Variants in SERGEF observed in about 807,000 individuals in gnomAD.
SERGEF encodes the protein secretion-regulating guanine nucleotide exchange factor.
In SERGEF, 51 loss-of-function variants were observed where a neutral mutation model predicts 50.0. The ratio of observed to expected loss-of-function variants is 1.02; its 90% CI spans 0.81 to 1.29. SERGEF has a LOEUF of 1.29. SERGEF is among the 50% of genes most tolerant of loss of function. SERGEF has a pLI of 0.00. For synonymous variants in SERGEF, 205 were observed against 212.4 expected (o/e 0.97, Z 0.30); for missense variants, 521 against 557.0 (o/e 0.94, Z 0.65).
At chr11:18,005,107 G>C (rs1014991558) in intron 3 of SERGEF, among the ~76,000 whole-genome samples, 44 of 152,164 alleles carry the variant, frequency 2.9e-4, no homozygotes, top group African/African-American at 9.7e-4. Flanking sequence ...CTCCAATTTA[G>C]CCTTTACCAG....
intron 9 of SERGEF, among the ~76,000 whole-genome samples, chr11:17,921,611 T>C (rs1349591465): frequency 6.6e-6 from 1 of 152,174 alleles, no homozygotes; most frequent in Non-Finnish European, 1.5e-5. Context: ...CAAAAGGGAA[T>C]GAGTGCTAAG....
At chr11:17,908,553 C>T (rs1243355822) in intron 9 of SERGEF, among the ~76,000 whole-genome samples, 2 of 152,174 alleles carry the variant, frequency 1.3e-5, no homozygotes, top group African/African-American at 2.4e-5. Context: ...CCATCACAAC[C>T]ATTTCCATAT....
At chr11:17,846,650 A>AT (rs3831592) in intron 10 of SERGEF, 92,409 of 454,672 alleles carry the variant, frequency 0.2, 10,120 homozygotes, top group East Asian at 0.34. Flanking sequence ...AGGATTCAAA[A>AT]ATGGCTCCAT....
intron 4 of SERGEF, 34 bp downstream of exon 4, chr11:18,004,407 G>A: frequency 6.7e-7 from 1 of 1,491,464 alleles, no homozygotes; most frequent in Non-Finnish European, 9.3e-7. Flanking sequence ...CACTTTAACA[G>A]GTCATGGGCA....
At chr11:17,869,324 C>CA (rs1851092267) in intron 10 of SERGEF, among the ~76,000 whole-genome samples, 1 of 152,134 alleles carries the variant, frequency 6.6e-6, no homozygotes, top group African/African-American at 2.4e-5. Flanking sequence ...ATTTGCAATT[C>CA]AAATCACAGA....
At chr11:17,791,228 C>G (rs1849478927) in intron 10 of SERGEF, among the ~76,000 whole-genome samples, 1 of 152,188 alleles carries the variant, frequency 6.6e-6, no homozygotes, top group Non-Finnish European at 1.5e-5. Context: ...CTATGAACAT[C>G]TTTATGCATG....
chr11:17,988,571 C>T, intron 8 of SERGEF, 26 bp downstream of exon 8: 1 of 1,611,236 alleles, frequency 6.2e-7, no homozygotes, highest in Non-Finnish European at 8.5e-7. Context: ...CTCTTACCAA[C>T]CGTAAGTTCT....
At chr11:17,953,739 C>A (rs547627427) in intron 9 of SERGEF, among the ~76,000 whole-genome samples, 278 of 152,294 alleles carry the variant, frequency 1.8e-3, no homozygotes, top group African/African-American at 6.4e-3. Context: ...ACAGAGAAGG[C>A]CCTTGCTCTC....
At chr11:17,789,350 A>G (rs1849440285) in intron 10 of SERGEF, among the ~76,000 whole-genome samples, 1 of 152,332 alleles carries the variant, frequency 6.6e-6, no homozygotes, top group South Asian at 2.1e-4. Context: ...AAGCGTGTAT[A>G]CTTTCTTCAC....
intron 9 of SERGEF, among the ~76,000 whole-genome samples, chr11:17,958,637 A>G (rs1852925324): frequency 6.6e-6 from 1 of 152,182 alleles, no homozygotes; most frequent in South Asian, 2.1e-4. Flanking sequence ...GTTCCAGCCC[A>G]TCTTTCTGAT....
intron 7 of SERGEF, among the ~76,000 whole-genome samples, chr11:17,992,511 A>G (rs1034171369): frequency 6.6e-6 from 1 of 152,222 alleles, no homozygotes; most frequent in Non-Finnish European, 1.5e-5. Flanking sequence ...AATCGTAGGT[A>G]TATCAGAAAA....
intron 10 of SERGEF, among the ~76,000 whole-genome samples, chr11:17,813,711 A>G (rs936733938): frequency 3.3e-5 from 5 of 152,250 alleles, no homozygotes; most frequent in Non-Finnish European, 7.3e-5. Flanking sequence ...TCACTGTGGC[A>G]GAGCCCACAT....
At chr11:17,794,966 C>T (rs1280370046) in intron 10 of SERGEF, among the ~76,000 whole-genome samples, 2 of 152,206 alleles carry the variant, frequency 1.3e-5, no homozygotes, top group Non-Finnish European at 2.9e-5. Context: ...GGCTGAGGCC[C>T]TGCCCCCTTC....
At chr11:17,810,579 A>G (rs140024764) in intron 10 of SERGEF, among the ~76,000 whole-genome samples, 285 of 152,344 alleles carry the variant, frequency 1.9e-3, no homozygotes, top group African/African-American at 6.3e-3. Flanking sequence ...ACCCAAGTCC[A>G]TAGCATTCCC....
chr11:17,802,575 C>T (rs1849690871), intron 10 of SERGEF, among the ~76,000 whole-genome samples: 1 of 152,218 alleles, frequency 6.6e-6, no homozygotes, highest in Admixed American at 6.5e-5. Flanking sequence ...AGCTACCTCT[C>T]TGATACCCAC....
chr11:17,939,118 A>G (rs778607049), intron 9 of SERGEF, among the ~76,000 whole-genome samples: 1 of 152,230 alleles, frequency 6.6e-6, no homozygotes, highest in Admixed American at 6.5e-5. Context: ...TTTTCCTACC[A>G]TTCCACATTT....
chr11:17,905,822 G>A (rs1851829248), intron 9 of SERGEF, among the ~76,000 whole-genome samples: 1 of 152,006 alleles, frequency 6.6e-6, no homozygotes, highest in Admixed American at 6.6e-5. Context: ...TAAGGAGCTT[G>A]AAAAATAAAT....
Position 17,891,121 on chromosome 11 carries a change from AT to A in SERGEF, c.1012-12878del, listed in dbSNP as rs1372295986. 1.5e-4 allele frequency among the ~76,000 whole-genome samples: 23 copies of A among 152,180 alleles called. 1 individual carries two copies. The highest frequency in any genetic ancestry group is 1.5e-3 in the Admixed American group (23 of 15,284). ...AAGGTTTGCTTACTAAACACACAGAATTTATAATGCTGGGAGAGACAGCCAG... is the reference window on the plus strand; with the variant it reads ...AAGGTTTGCTTACTAAACACACAGAATTATAATGCTGGGAGAGACAGCCAG... On this transcript the variant is annotated intron_variant, in intron 9 of 10. Transcript: ENST00000265965.
intron 10 of SERGEF, among the ~76,000 whole-genome samples, chr11:17,873,724 C>T (rs1455614390): frequency 6.6e-6 from 1 of 151,690 alleles, no homozygotes; most frequent in Admixed American, 6.6e-5. Context: ...AATAACCAAC[C>T]CTTTAACAAT....
Sources: allele counts gnomAD v4.1 joint callset (sites outside exome capture counted in the v4.1 genomes callset), GRCh38; gene constraint gnomAD v4.1.1; transcripts MANE v1.5; gene names NCBI Gene and HGNC (gene_info 2026-07-23, HGNC 2026-07-21).